The following BCR variants were observed in gnomAD, a reference collection of about 807,000 sequenced individuals.
The protein encoded by BCR is breakpoint cluster region protein.
BCR carries 58 observed loss-of-function variants against 138.6 expected under a neutral mutation model. The ratio of observed to expected loss-of-function variants is 0.42; its 90% CI spans 0.34 to 0.52. The LOEUF (loss-of-function observed/expected upper bound fraction) is 0.52. Among genes scored for constraint, BCR ranks in the 20% least tolerant of loss-of-function variants. The probability of loss-of-function intolerance (pLI) is 0.06; values close to 1 mark genes in which losing one functional copy is unlikely to be tolerated. For synonymous variants in BCR, 786 were observed against 730.1 expected (o/e 1.08, Z -1.23); for missense variants, 1,599 against 1,727.2 (o/e 0.93, Z 1.32).
chr22:23,241,948 A>G (rs2073097657), intron 1 of BCR, among the ~76,000 whole-genome samples: 1 of 151,662 alleles, frequency 6.6e-6, no homozygotes, highest in African/African-American at 2.4e-5. Context: ...CTCTCCTCTC[A>G]CTGCCAGCCT....
At chr22:23,289,672 C>T in intron 13 of BCR, 51 bp downstream of exon 13, 1 of 1,501,492 alleles carries the variant, frequency 6.7e-7, no homozygotes, top group South Asian at 1.1e-5. Context: ...GGGCAGGCAG[C>T]TAGCCTGAAG....
chr22:23,268,183 C>A (rs192254280), intron 4 of BCR, among the ~76,000 whole-genome samples: 5 of 152,298 alleles, frequency 3.3e-5, no homozygotes, highest in Non-Finnish European at 5.9e-5. Flanking sequence ...TGCCTGGCGC[C>A]GTGAGTCACT....
At chr22:23,234,140 CAG>C (rs2072994645) in intron 1 of BCR, among the ~76,000 whole-genome samples, 1 of 152,074 alleles carries the variant, frequency 6.6e-6, no homozygotes, top group African/African-American at 2.4e-5. Flanking sequence ...AGACAGCAAA[CAG>C]AAATTCTATT....
intron 1 of BCR, among the ~76,000 whole-genome samples, chr22:23,211,497 C>T (rs2072681931): frequency 7.0e-6 from 1 of 142,932 alleles, no homozygotes; most frequent in Non-Finnish European, 1.5e-5. Flanking sequence ...GCGCCCGGCC[C>T]TTTTTTTTGA....
At chr22:23,244,700 C>G (rs771840838) in intron 1 of BCR, among the ~76,000 whole-genome samples, 1 of 152,158 alleles carries the variant, frequency 6.6e-6, no homozygotes, top group Non-Finnish European at 1.5e-5. Context: ...TCAGTAAGTA[C>G]ATTTGTCTGG....
chr22:23,197,142 CT>C (rs1307778011), intron 1 of BCR, among the ~76,000 whole-genome samples: 2 of 152,260 alleles, frequency 1.3e-5, no homozygotes, highest in African/African-American at 4.8e-5. Flanking sequence ...TTTACTGTAC[CT>C]TTTCTACATT....
At chr22:23,251,445 T>C (rs970098191) in intron 1 of BCR, among the ~76,000 whole-genome samples, 7 of 152,218 alleles carry the variant, frequency 4.6e-5, no homozygotes, top group Non-Finnish European at 7.4e-5. Context: ...TGCTGAGTCC[T>C]GTGGGACGAG....
intron 16 of BCR, chr22:23,302,403 G>A (rs996607020): frequency 1.3e-5 from 2 of 152,402 alleles, no homozygotes; most frequent in Admixed American, 1.3e-4. Flanking sequence ...ACACTCCCGG[G>A]ATGCTGCGGC....
chr22:23,229,504 A>G (rs1286522799), intron 1 of BCR, among the ~76,000 whole-genome samples: 2 of 151,646 alleles, frequency 1.3e-5, no homozygotes, highest in Admixed American at 6.6e-5. Flanking sequence ...TTTTTTTTTA[A>G]ACAGGCAGTC....
chr22:23,263,836 A>AGGGG, intron 4 of BCR: 1 of 1,105,716 alleles, frequency 9.0e-7, no homozygotes, highest in South Asian at 1.2e-5. Context: ...TAGTGTTTAT[A>AGGGG]CACCATCCAG....
intron 4 of BCR, chr22:23,263,380 G>A: frequency 8.0e-7 from 1 of 1,248,582 alleles, no homozygotes; most frequent in Non-Finnish European, 1.2e-6. Context: ...ACGCGGCTCG[G>A]CACCAACCTG....
chr22:23,193,614 T>C (rs2072441960), intron 1 of BCR, among the ~76,000 whole-genome samples: 2 of 152,240 alleles, frequency 1.3e-5, no homozygotes, highest in Admixed American at 1.3e-4. Context: ...ATAATCCTCC[T>C]GGGCTGAGTG....
At chr22:23,220,157 TC>T (rs2072806613) in intron 1 of BCR, among the ~76,000 whole-genome samples, 2 of 152,286 alleles carry the variant, frequency 1.3e-5, no homozygotes, top group Middle Eastern at 6.8e-3. Context: ...GTGCCCCCAC[TC>T]CCATAGTGCT....
intron 1 of BCR, among the ~76,000 whole-genome samples, chr22:23,252,214 G>A (rs1407322532): frequency 1.3e-5 from 2 of 152,094 alleles, no homozygotes; most frequent in Admixed American, 1.3e-4. Context: ...ACTGGGGGAT[G>A]GGGGAACCTG....
At chr22:23,183,351 G>T (rs2072295292) in intron 1 of BCR, among the ~76,000 whole-genome samples, 1 of 151,618 alleles carries the variant, frequency 6.6e-6, no homozygotes, top group Non-Finnish European at 1.5e-5. Context: ...AGTTGAATGT[G>T]CTTGGTTTGT....
At chr22:23,211,838 G>A (rs571705258) in intron 1 of BCR, among the ~76,000 whole-genome samples, 14 of 152,108 alleles carry the variant, frequency 9.2e-5, no homozygotes, top group African/African-American at 2.9e-4. Context: ...TCACCCTCCA[G>A]GGGTAGGGGC....
At chr22:23,253,348 G>A (rs988649415) in intron 1 of BCR, among the ~76,000 whole-genome samples, 1 of 152,096 alleles carries the variant, frequency 6.6e-6, no homozygotes, top group African/African-American at 2.4e-5. Flanking sequence ...AGAGTTGGGG[G>A]TGCCAACTCT....
intron 3 of BCR, 45 bp from the exon 4 acceptor site, chr22:23,261,310 G>T: frequency 6.3e-7 from 1 of 1,578,580 alleles, no homozygotes; most frequent in South Asian, 1.1e-5. Context: ...CCTGACGGAT[G>T]GCAGCCCCTC....
chr22:23,317,107 G>C lies in BCR; in HGVS notation c.*1585G>C, dbSNP rs2074080740. 2 of 192,154 alleles carry C rather than the reference G, an allele frequency of 1.0e-5. No homozygotes were observed. The highest frequency in any genetic ancestry group is 1.3e-4 in the Admixed American group (2 of 15,370). 11.9% of individuals were successfully genotyped at this position (192,154 alleles called of 1,614,324 possible). Reference sequence around the variant, plus strand: ...ACCCGCTCCCAAGGTGGGAGGAGTGGGTGTCCCCTGTGTGTCAGTGGGCAG... The same window carrying C: ...ACCCGCTCCCAAGGTGGGAGGAGTGCGTGTCCCCTGTGTGTCAGTGGGCAG... On this transcript the variant is annotated 3_prime_UTR_variant, in exon 23 of 23. Coordinates refer to ENST00000305877, the MANE Select transcript of BCR (RefSeq NM_004327.4).
Sources: gnomAD v4.1 joint callset for allele counts (sites outside exome capture counted in the v4.1 genomes callset) on GRCh38, gnomAD v4.1.1 for gene constraint, MANE v1.5 for transcripts, NCBI Gene and HGNC (gene_info 2026-07-23, HGNC 2026-07-21) for gene names.